PTPRQ: variants seen among roughly 807,000 people sequenced by gnomAD.
PTPRQ encodes protein tyrosine phosphatase receptor type Q.
A neutral mutation model predicts 246.0 loss-of-function variants in PTPRQ; 199 were observed. The observed-to-expected ratio is 0.81, with a 90% CI of 0.72 to 0.91. PTPRQ has a LOEUF of 0.91. PTPRQ is among the 40% of genes least tolerant of loss of function. PTPRQ has a pLI of 0.00. For synonymous variants in PTPRQ, 869 were observed against 853.2 expected, an observed-to-expected ratio of 1.02 and a Z score of -0.32; for missense variants, 2,624 against 2,528.4, an observed-to-expected ratio of 1.04 and a Z score of -0.81.
intron 10 of PTPRQ, among the ~76,000 whole-genome samples, chr12:80,494,619 T>C (rs180688089): frequency 2.0e-5 from 3 of 151,968 alleles, no homozygotes; most frequent in Non-Finnish European, 4.4e-5. Flanking sequence ...TTTAAGAAAG[T>C]TGTTTTCTTA....
chr12:80,634,993 A>G lies in PTPRQ; in HGVS notation c.5835A>G (p.Ala1945=), dbSNP rs1899589904. Residue 1945 remains alanine, a synonymous_variant, in exon 35 of 45, where the codon GCA becomes GCG. Transcript: ENST00000644991. ...GTGGCACATACTCTCCTCAGGATGC[A>G]GAAATTATTGACACTAAATTGAAGC... ...KEGGTYSPQD[A]EIIDTKLKLD... 6.4e-7 allele frequency: 1 copy of G among 1,551,494 alleles called. No individual in the cohort carries two copies. Among genetic ancestry groups the G allele is most frequent in the Non-Finnish European group, 8.7e-7 (1 of 1,146,844 alleles).
chr12:80,616,065 A>T (rs12829477), intron 29 of PTPRQ, 135 bp from the exon 30 acceptor site: 315 of 455,740 alleles, frequency 6.9e-4, no homozygotes, highest in Non-Finnish European at 8.9e-4. Context: ...AATTACATGT[A>T]ACCATAATCA....
chr12:80,633,369 T>C (rs1225634111), intron 34 of PTPRQ, among the ~76,000 whole-genome samples: 1 of 152,214 alleles, frequency 6.6e-6, no homozygotes, highest in Non-Finnish European at 1.5e-5. Flanking sequence ...TTTCTGAACA[T>C]GTCTGTGCTG....
intron 26 of PTPRQ, among the ~76,000 whole-genome samples, chr12:80,594,627 C>T (rs1197957370): frequency 6.6e-6 from 1 of 152,006 alleles, no homozygotes; most frequent in African/African-American, 2.4e-5. Flanking sequence ...CTGTGTGTTC[C>T]GTGTCTCAGT....
At chr12:80,525,596 T>G (rs1437232518) in intron 17 of PTPRQ, among the ~76,000 whole-genome samples, 2 of 141,792 alleles carry the variant, frequency 1.4e-5, no homozygotes, top group Non-Finnish European at 3.1e-5. Flanking sequence ...TTTGGGTACA[T>G]GGTTTAAATA....
Position 80,652,758 on chromosome 12 carries a change from T to C in PTPRQ, c.6039T>C (p.Phe2013=). 6.7e-7 allele frequency: 1 copy of C among 1,496,606 alleles called. No homozygotes were observed. Among genetic ancestry groups the C allele is most frequent in the Non-Finnish European group, 8.9e-7 (1 of 1,126,116 alleles). The allele number at this position is 1,496,606 out of a possible 1,614,324, so 92.7% of individuals were successfully genotyped here. A position where few individuals can be genotyped will look rare whatever the true frequency, so the allele number is the denominator to read the frequency against. Residue 2013 remains phenylalanine (F), a synonymous_variant, in exon 38 of 45, where the codon TTT becomes TTC. Coordinates refer to ENST00000644991, the MANE Select transcript of PTPRQ (RefSeq NM_001145026.2). ...TTATTTTACAGGAATTACCAAAATTTCTTCAGGATCTTTCTTCAACTGATG... is the reference window on the plus strand; with the variant it reads ...TTATTTTACAGGAATTACCAAAATTCCTTCAGGATCTTTCTTCAACTGATG... ...FQEEFSELPK[F]LQDLSSTDAD... is the part of the protein sequence containing the mutation.
At position 80,486,289 on chromosome 12, in the gene PTPRQ, A is replaced by G. The variant is rs187476772; in HGVS notation, c.1359+1684A>G. Among the ~76,000 whole-genome samples the G allele has an allele frequency of 1.7e-3, 255 of 152,168 alleles. 2 individuals carry two copies. The highest frequency in any genetic ancestry group is 5.7e-3 in the African/African-American group (238 of 41,502). On this transcript the variant is annotated intron_variant, in intron 9 of 44. Coordinates refer to ENST00000644991, the MANE Select transcript of PTPRQ (RefSeq NM_001145026.2). ...GATCATCCACCTTAGTTGCTACCCA[A>G]TATTACTTCCCTTATACTCTCTCAA...
chr12:80,596,187 A>G (rs1897964883), intron 26 of PTPRQ, among the ~76,000 whole-genome samples: 1 of 152,064 alleles, frequency 6.6e-6, no homozygotes, highest in African/African-American at 2.4e-5. Context: ...AAGAGGAGAT[A>G]TATGGGTGAA....
intron 33 of PTPRQ, among the ~76,000 whole-genome samples, chr12:80,623,322 T>C (rs1899067630): frequency 6.6e-6 from 1 of 152,208 alleles, no homozygotes. Context: ...GTTTGCTACA[T>C]AGATGTTTGT....
intron 39 of PTPRQ, among the ~76,000 whole-genome samples, chr12:80,667,851 T>C (rs1214680781): frequency 6.6e-6 from 1 of 151,936 alleles, no homozygotes; most frequent in Admixed American, 6.6e-5. Flanking sequence ...TATTTAGGTC[T>C]TTCGGTTGAG....
At chr12:80,531,162 A>C (rs1895832121) in intron 17 of PTPRQ, among the ~76,000 whole-genome samples, 2 of 152,094 alleles carry the variant, frequency 1.3e-5, no homozygotes, top group Non-Finnish European at 2.9e-5. Context: ...AAAGAAATAA[A>C]AAAGAGAAAA....
intron 14 of PTPRQ, among the ~76,000 whole-genome samples, chr12:80,503,749 G>T (rs1894871915): frequency 6.6e-6 from 1 of 151,688 alleles, no homozygotes; most frequent in South Asian, 2.1e-4. Context: ...TTCATCTGTG[G>T]TAAATAGTTT....
At chr12:80,601,035 AT>A (rs1192454005) in intron 26 of PTPRQ, among the ~76,000 whole-genome samples, 4 of 151,594 alleles carry the variant, frequency 2.6e-5, no homozygotes, top group African/African-American at 9.7e-5. Flanking sequence ...GCCAAACAGT[AT>A]TCCCTTACCT....
At chr12:80,589,242 G>A (rs1036936041) in intron 26 of PTPRQ, among the ~76,000 whole-genome samples, 1 of 152,076 alleles carries the variant, frequency 6.6e-6, no homozygotes, top group Admixed American at 6.5e-5. Context: ...TGGTTACTAT[G>A]CAACATAAAT....
chr12:80,561,274 G>A (rs147420537), intron 25 of PTPRQ: 3 of 152,260 alleles, frequency 2.0e-5, no homozygotes, highest in African/African-American at 7.2e-5. Context: ...ATTTTCCAAA[G>A]CACTAACTTT....
At chr12:80,470,850 G>GA in intron 7 of PTPRQ, among the ~76,000 whole-genome samples, 1 of 152,152 alleles carries the variant, frequency 6.6e-6, no homozygotes, top group East Asian at 1.9e-4. Flanking sequence ...AAAGTGGTTA[G>GA]AAAAAAGTTG....
At chr12:80,569,589 T>A (rs1244667452) in intron 25 of PTPRQ, among the ~76,000 whole-genome samples, 4 of 151,196 alleles carry the variant, frequency 2.6e-5, no homozygotes, top group Admixed American at 6.6e-5. Context: ...ACAAAAAAAA[T>A]TTGATTTTTT....
chr12:80,636,626 CTATT>C (rs1210469165), intron 35 of PTPRQ, among the ~76,000 whole-genome samples: 1 of 152,126 alleles, frequency 6.6e-6, no homozygotes, highest in Non-Finnish European at 1.5e-5. Flanking sequence ...TTAATTTTAG[CTATT>C]TGAACAATAT....
rs1397225646 is a variant in PTPRQ, at chr12:80,584,395, G to T, written c.4286-3734G>T. Among the ~76,000 whole-genome samples the T allele has an allele frequency of 3.3e-5, 5 of 152,230 alleles. No individual in the cohort carries two copies. The East Asian group carries it at 9.6e-4, about 29-fold the overall frequency. Reference sequence around the variant, plus strand: ...CTTAAAAACTGACTTCTGTACTGTTGCTATCACCTAATTTCGTCTTTCCTG... The same window carrying T: ...CTTAAAAACTGACTTCTGTACTGTTTCTATCACCTAATTTCGTCTTTCCTG... On this transcript the variant is annotated intron_variant, in intron 25 of 44. Coordinates refer to ENST00000644991, the MANE Select transcript of PTPRQ (RefSeq NM_001145026.2).
Sources: gnomAD v4.1 joint callset for allele counts (sites outside exome capture counted in the v4.1 genomes callset) on GRCh38, gnomAD v4.1.1 for gene constraint, MANE v1.5 for transcripts, NCBI Gene and HGNC (gene_info 2026-07-23, HGNC 2026-07-21) for gene names.